PBX4: variants seen among roughly 807,000 people sequenced by gnomAD.
The protein encoded by PBX4 is pre-B-cell leukemia transcription factor 4.
A neutral mutation model predicts 35.1 loss-of-function variants in PBX4; 26 were observed. The ratio of observed to expected loss-of-function variants is 0.74; its 90% confidence interval spans 0.54 to 1.03. The LOEUF (loss-of-function observed/expected upper bound fraction) is 1.03. Among genes scored for constraint, PBX4 ranks in the 50% least tolerant of loss-of-function variants. The pLI, the probability that PBX4 is intolerant of heterozygous loss-of-function variation, is 0.00. For missense variants in PBX4, 448 were observed against 504.3 expected, an observed-to-expected ratio of 0.89 and a Z score of 1.07; for synonymous variants, 199 against 204.2, an observed-to-expected ratio of 0.97 and a Z score of 0.22.
chr19:19,611,756 G>A (rs948784709), intron 1 of PBX4, among the ~76,000 whole-genome samples: 1 of 151,918 alleles, frequency 6.6e-6, no homozygotes, highest in Middle Eastern at 3.2e-3. Context: ...GCATTGCTGG[G>A]TTGCCTAAAA....
At position 19,609,549 on chromosome 19, in the gene PBX4, G is replaced by GAAAAAAAA. The variant is rs11300224; in HGVS notation, c.119+8954_119+8961dup. Among the ~76,000 whole-genome samples, 6 of 85,032 alleles carry GAAAAAAAA rather than the reference G, an allele frequency of 7.1e-5. No individual in the cohort carries two copies. In the East Asian group the frequency reaches 1.9e-3, roughly 27 times the overall value. The allele number at this position is 85,032 out of a possible 152,430, so 55.8% of individuals were successfully genotyped here. On this transcript the variant is annotated intron_variant, in intron 1 of 7. Transcript: ENST00000251203. ...GGGCAACAAGAGCAAAAATCCATAT[G>GAAAAAAAA]AAAAAAAAAAAAAAAAAAGAGCCAG...
In PBX4 at chr19:19,594,342, G is replaced by A. The variant is rs575456420; in HGVS notation, c.193+4950C>T. Among the ~76,000 whole-genome samples, 6 of 151,120 alleles carry A rather than the reference G, an allele frequency of 4.0e-5. No homozygotes were observed. In the South Asian group the frequency reaches 6.3e-4, roughly 16 times the overall value. ...ATTGCTTGAACCTGGGAGGCAGTGA[G>A]CCGAGATTGCGCCATTGCACTCCAG... On this transcript the variant is annotated intron_variant, in intron 2 of 7. Coordinates refer to ENST00000251203, the MANE Select transcript of PBX4 (RefSeq NM_025245.3).
chr19:19,570,292 C>T lies in PBX4; in HGVS notation c.449G>A (p.Arg150His), dbSNP rs1369505191. 20 of 1,603,886 alleles carry T rather than the reference C, an allele frequency of 1.2e-5. No homozygotes were observed. The highest frequency in any genetic ancestry group is 2.7e-5 in the African/African-American group (2 of 74,804). Residue 150 changes from arginine to histidine, a missense_variant, in exon 4 of 8, where the codon CGT becomes CAT. Physicochemically the swap from Arg to His is conservative, Grantham distance 29. Transcript: ENST00000251203. ...GTTGGTGACGTGCGTGGTGAACTCA[C>T]GACAGGCCTGGGGTGGGAGCACAGA... is the stretch of plus-strand genomic sequence containing the variant. ...SELEKYEQAC[R>H]EFTTHVTNLL...
At chr19:19,609,299 C>T (rs1324578385) in intron 1 of PBX4, among the ~76,000 whole-genome samples, 2 of 152,058 alleles carry the variant, frequency 1.3e-5, no homozygotes, top group Non-Finnish European at 2.9e-5. Context: ...CCTGTAATCC[C>T]AGCACTTTGG....
At chr19:19,584,353 A>G (rs1045605078) in intron 2 of PBX4, among the ~76,000 whole-genome samples, 3 of 152,208 alleles carry the variant, frequency 2.0e-5, no homozygotes, top group Non-Finnish European at 4.4e-5. Context: ...GATATTTTAA[A>G]GCCACTGATT....
chr19:19,602,502 G>C (rs2061603866), intron 1 of PBX4, among the ~76,000 whole-genome samples: 2 of 151,992 alleles, frequency 1.3e-5, no homozygotes, highest in Admixed American at 6.6e-5. Flanking sequence ...GCCCAGGCTG[G>C]ACTGCAGTGG....
At chr19:19,610,400 T>C (rs1375532287) in intron 1 of PBX4, among the ~76,000 whole-genome samples, 3 of 141,234 alleles carry the variant, frequency 2.1e-5, no homozygotes, top group Non-Finnish European at 4.6e-5. Context: ...GTAACAAGAG[T>C]GAAACTCCAT....
chr19:19,602,737 G>GCT (rs1555739921), intron 1 of PBX4, among the ~76,000 whole-genome samples: 11 of 150,560 alleles, frequency 7.3e-5, no homozygotes, highest in Non-Finnish European at 1.6e-4. Flanking sequence ...TATTAATTAT[G>GCT]TTTTTTTTTT....
In PBX4 at chr19:19,562,780, C is replaced by T. The variant is rs2061315650; in HGVS notation, c.1033-663G>A. Among the ~76,000 whole-genome samples, 1 of 152,158 alleles carries T rather than the reference C, an allele frequency of 6.6e-6. No individual in the cohort carries two copies. Among genetic ancestry groups the T allele is most frequent in the Non-Finnish European group, 1.5e-5 (1 of 68,018 alleles). ...ACTGGGGTGGACACACAGCTGCTGG[C>T]GCGTAGTCAGGTCCCAGGGGTGCAA... On this transcript the variant is annotated intron_variant, in intron 7 of 7. Transcript: ENST00000251203. The surrounding 1 kb of genome is among the most constrained non-coding windows in gnomAD (Gnocchi z 4.8).
intron 2 of PBX4, among the ~76,000 whole-genome samples, chr19:19,593,383 G>A (rs1261095896): frequency 6.6e-6 from 1 of 152,226 alleles, no homozygotes; most frequent in African/African-American, 2.4e-5. Flanking sequence ...ACAGGGTGCA[G>A]GATCAGGACC....
chr19:19,572,470 T>C (rs1250627526), intron 2 of PBX4, among the ~76,000 whole-genome samples: 1 of 152,134 alleles, frequency 6.6e-6, no homozygotes, highest in East Asian at 1.9e-4. Context: ...CAAGTGTCCC[T>C]TTCTTATTCC....
At chr19:19,570,452 T>A (rs574599512) in intron 3 of PBX4, 134 bp downstream of exon 3, 2 of 1,453,244 alleles carry the variant, frequency 1.4e-6, no homozygotes, top group Non-Finnish European at 1.9e-6. Flanking sequence ...TCAGTAACAA[T>A]GGACCACCTC....
chr19:19,617,049 G>A (rs1263931732), intron 1 of PBX4, among the ~76,000 whole-genome samples: 2 of 152,100 alleles, frequency 1.3e-5, no homozygotes, highest in Non-Finnish European at 1.5e-5. Context: ...GCCAGACTCC[G>A]CTTTTTACAT....
intron 2 of PBX4, among the ~76,000 whole-genome samples, chr19:19,580,139 G>A (rs567715964): frequency 2.0e-5 from 3 of 152,292 alleles, no homozygotes; most frequent in South Asian, 2.1e-4. Context: ...TCACACAGGC[G>A]CAGGCGCAGA....
rs1014338177 is a variant in PBX4, at chr19:19,618,664, C to T, written c.-35G>A. Reference sequence around the variant, plus strand: ...GGCCGGGCGGGCGCTGTGAGGGTGCCGTCGAGCCTGGAGCACTACCACTGG... The same window carrying T: ...GGCCGGGCGGGCGCTGTGAGGGTGCTGTCGAGCCTGGAGCACTACCACTGG... On this transcript the variant is annotated 5_prime_UTR_variant, in exon 1 of 8. Coordinates refer to ENST00000251203, the MANE Select transcript of PBX4 (RefSeq NM_025245.3). 5.9e-6 allele frequency: 7 copies of T among 1,194,474 alleles called. No individual in the cohort carries two copies. The Admixed American group carries it at 2.3e-4, about 39-fold the overall frequency. The allele number at this position is 1,194,474 out of a possible 1,614,324, so 74.0% of individuals were successfully genotyped here. A position where few individuals can be genotyped will look rare whatever the true frequency, so the allele number is the denominator to read the frequency against.
At chr19:19,608,035 A>T (rs1305106311) in intron 1 of PBX4, 1 of 152,166 alleles carries the variant, frequency 6.6e-6, no homozygotes, top group East Asian at 1.9e-4. Flanking sequence ...AAAAATTTAG[A>T]ACTTATGTTC....
intron 5 of PBX4, among the ~76,000 whole-genome samples, chr19:19,567,610 C>T (rs1245146150): frequency 2.0e-5 from 3 of 152,178 alleles, no homozygotes; most frequent in Admixed American, 6.5e-5. Context: ...CATGCTGCCA[C>T]GGGGGTATGG....
intron 2 of PBX4, among the ~76,000 whole-genome samples, chr19:19,592,702 C>G (rs1377039858): frequency 6.6e-6 from 1 of 152,196 alleles, no homozygotes; most frequent in Non-Finnish European, 1.5e-5. Context: ...TAGTATGTAT[C>G]AGTCACCAGA....
intron 1 of PBX4, chr19:19,606,664 G>GC (rs2061633353): frequency 1.3e-5 from 2 of 152,266 alleles, no homozygotes; most frequent in African/African-American, 4.8e-5. Context: ...TGGGGTTGGT[G>GC]CTGGTATGTC....
Sources: allele counts gnomAD v4.1 joint callset (sites outside exome capture counted in the v4.1 genomes callset), GRCh38; gene constraint gnomAD v4.1.1; non-coding constraint Gnocchi (gnomAD v3.1); transcripts MANE v1.5; gene names NCBI Gene and HGNC (gene_info 2026-07-23, HGNC 2026-07-21).